The following PDE4D variants were observed in gnomAD, a reference collection of about 807,000 sequenced individuals.
PDE4D encodes phosphodiesterase 4D, also known as 3',5'-cyclic-AMP phosphodiesterase 4D.
A neutral mutation model predicts 87.4 loss-of-function variants in PDE4D; 24 were observed. That is an observed-to-expected ratio of 0.27 (90% confidence interval 0.20 to 0.39). The LOEUF (loss-of-function observed/expected upper bound fraction) is 0.39, where lower values mean the gene tolerates loss of function less well. Among genes scored for constraint, PDE4D ranks in the 10% least tolerant of loss-of-function variants. PDE4D has a pLI of 1.00. For synonymous variants in PDE4D, 384 were observed against 383.2 expected (o/e 1.00, Z -0.02); for missense variants, 714 against 1,041.0 (o/e 0.69, Z 4.32).
intron 5 of PDE4D, among the ~76,000 whole-genome samples, chr5:59,051,776 C>T (rs1236892730): frequency 6.6e-6 from 1 of 152,160 alleles, no homozygotes; most frequent in Non-Finnish European, 1.5e-5. Context: ...ATAGGTTTTC[C>T]TATACCTATA....
intron 1 of PDE4D, among the ~76,000 whole-genome samples, chr5:59,751,453 A>G (rs1760444316): frequency 6.6e-6 from 1 of 152,176 alleles, no homozygotes; most frequent in Non-Finnish European, 1.5e-5. Flanking sequence ...TTCAGTGCAC[A>G]TACTTGTGGC....
chr5:59,929,577 A>T (rs950394645), intron 3 of PDE4D, among the ~76,000 whole-genome samples: 8 of 151,866 alleles, frequency 5.3e-5, no homozygotes, highest in Non-Finnish European at 1.2e-4. Flanking sequence ...TTCTCTTTGG[A>T]TGTTATTTTC....
intron 5 of PDE4D, among the ~76,000 whole-genome samples, chr5:59,053,654 TGTTGTTGTTTTTTTTTTTTG>T (rs1761919317): frequency 1.3e-5 from 1 of 78,358 alleles, no homozygotes; most frequent in African/African-American, 5.3e-5. Flanking sequence ...TGTTTTTTTT[TGTTGTTGTTTTTTTTTTTTG>T]GCCAGGCACG....
chr5:60,107,474 T>C lies in PDE4D; in HGVS notation c.42+78083A>G, dbSNP rs575802047. On this transcript the variant is annotated intron_variant, in intron 2 of 16. Transcript: ENST00000502484. ...TTCCTTCTGAAACTATTCCAATCAA[T>C]AGAAAAAGAGGGAATCCTCCCTAAC... Among the ~76,000 whole-genome samples, 13 of 152,162 alleles carry C rather than the reference T, an allele frequency of 8.5e-5. No homozygotes were observed. In the East Asian group the frequency reaches 1.7e-3, roughly 20 times the overall value.
intron 5 of PDE4D, among the ~76,000 whole-genome samples, chr5:59,058,190 T>C (rs573409404): frequency 1.3e-5 from 2 of 152,322 alleles, no homozygotes; most frequent in African/African-American, 2.4e-5. Context: ...TTTTCTATAA[T>C]ATTTCCATAG....
intron 1 of PDE4D, among the ~76,000 whole-genome samples, chr5:59,231,997 T>C (rs1202959265): frequency 6.6e-6 from 1 of 152,188 alleles, no homozygotes; most frequent in African/African-American, 2.4e-5. Flanking sequence ...AGTGTGAACC[T>C]GACACATGAA....
At chr5:59,879,084 T>C (rs1376424157) in intron 1 of PDE4D, among the ~76,000 whole-genome samples, 2 of 151,498 alleles carry the variant, frequency 1.3e-5, no homozygotes, top group East Asian at 2.0e-4. Flanking sequence ...GTGTTTTTAG[T>C]AGAGACGGGG....
intron 1 of PDE4D, among the ~76,000 whole-genome samples, chr5:59,462,975 C>T (rs1801001354): frequency 6.6e-6 from 1 of 151,968 alleles, no homozygotes; most frequent in Admixed American, 6.6e-5. Context: ...TGAGAGACCC[C>T]TCTATTTATT....
chr5:60,334,733 C>T (rs1757595359), intron 1 of PDE4D, among the ~76,000 whole-genome samples: 1 of 151,724 alleles, frequency 6.6e-6, no homozygotes, highest in African/African-American at 2.4e-5. Flanking sequence ...AGGGAGGAAA[C>T]TAGTTTTCTT....
chr5:59,027,421 T>TA (rs1756443692), intron 6 of PDE4D, among the ~76,000 whole-genome samples: 1 of 152,300 alleles, frequency 6.6e-6, no homozygotes, highest in East Asian at 1.9e-4. Flanking sequence ...AGCTCACACT[T>TA]ACGGTGTAGG....
At chr5:60,256,557 C>G (rs1562263693) in intron 1 of PDE4D, among the ~76,000 whole-genome samples, 1 of 151,830 alleles carries the variant, frequency 6.6e-6, no homozygotes, top group African/African-American at 2.4e-5. Flanking sequence ...AATCAAACAA[C>G]TGCATTTATT....
At chr5:60,311,075 T>G (rs1012495554) in intron 1 of PDE4D, among the ~76,000 whole-genome samples, 1 of 151,082 alleles carries the variant, frequency 6.6e-6, no homozygotes, top group Non-Finnish European at 1.5e-5. Context: ...TGGCATGCAA[T>G]GAAGCGATCT....
At chr5:60,255,970 C>G (rs568124706) in intron 1 of PDE4D, among the ~76,000 whole-genome samples, 69 of 151,862 alleles carry the variant, frequency 4.5e-4, no homozygotes, top group Non-Finnish European at 5.9e-5. Context: ...TGATGTTTAA[C>G]AAGCTCATCA....
intron 1 of PDE4D, among the ~76,000 whole-genome samples, chr5:59,669,419 C>A (rs1167916276): frequency 2.6e-5 from 4 of 152,188 alleles, no homozygotes; most frequent in Middle Eastern, 3.4e-3. Flanking sequence ...GCCTTAGTTC[C>A]CTCTATTCTA....
intron 1 of PDE4D, among the ~76,000 whole-genome samples, chr5:60,471,828 G>T (rs1182602780): frequency 2.0e-5 from 3 of 152,088 alleles, no homozygotes; most frequent in African/African-American, 7.2e-5. Context: ...TGTTTGCATG[G>T]CTTGCCCTAT....
intron 3 of PDE4D, among the ~76,000 whole-genome samples, chr5:59,956,028 C>T (rs1758791793): frequency 6.6e-6 from 1 of 152,142 alleles, no homozygotes; most frequent in South Asian, 2.1e-4. Context: ...ACCTATAAGA[C>T]CTCTGTACTT....
intron 1 of PDE4D, among the ~76,000 whole-genome samples, chr5:59,258,981 G>A (rs899515699): frequency 3.3e-5 from 5 of 151,642 alleles, no homozygotes; most frequent in African/African-American, 1.2e-4. Context: ...ACCTAGAACT[G>A]TTAAGACATT....
intron 10 of PDE4D, 54 bp downstream of exon 10, chr5:58,989,700 AT>A: frequency 8.8e-7 from 1 of 1,142,582 alleles, no homozygotes; most frequent in Non-Finnish European, 1.2e-6. Flanking sequence ...TAAAAGTTTA[AT>A]AGACCTTTAT....
intron 1 of PDE4D, among the ~76,000 whole-genome samples, chr5:59,494,176 A>G (rs1320429232): frequency 6.6e-6 from 1 of 152,202 alleles, no homozygotes; most frequent in African/African-American, 2.4e-5. Flanking sequence ...AGTTCAGACC[A>G]CTGGCAGGAA....
Sources: gnomAD v4.1 joint callset for allele counts (sites outside exome capture counted in the v4.1 genomes callset) on GRCh38, gnomAD v4.1.1 for gene constraint, MANE v1.5 for transcripts, NCBI Gene and HGNC (gene_info 2026-07-23, HGNC 2026-07-21) for gene names.